The following DOK6 variants were observed in gnomAD, a reference collection of about 807,000 sequenced individuals.
The protein encoded by DOK6 is docking protein 6, also known as downstream of tyrosine kinase 6.
Under a neutral mutation model 44.0 loss-of-function variants are expected in DOK6, and 22 were observed. The observed-to-expected ratio is 0.50, with a 90% CI of 0.36 to 0.71. DOK6 has a LOEUF of 0.71. Ranked by LOEUF, DOK6 falls within the 30% of genes least tolerant of loss-of-function variation. The probability of loss-of-function intolerance (pLI) is 0.00; values close to 1 mark genes in which losing one functional copy is unlikely to be tolerated. For synonymous variants in DOK6, 166 were observed against 145.5 expected, an observed-to-expected ratio of 1.14 and a Z score of -1.01; for missense variants, 340 against 416.4, an observed-to-expected ratio of 0.82 and a Z score of 1.60.
chr18:69,704,997 T>C (rs777243492), intron 5 of DOK6: 3 of 152,214 alleles, frequency 2.0e-5, no homozygotes, highest in Non-Finnish European at 4.4e-5. Flanking sequence ...AGGGTCTTTA[T>C]CCAGAATTAA....
chr18:69,503,601 C>A (rs1286414817), intron 1 of DOK6, among the ~76,000 whole-genome samples: 1 of 151,886 alleles, frequency 6.6e-6, no homozygotes, highest in African/African-American at 2.4e-5. Flanking sequence ...AATTACTAAA[C>A]AATGTCTTAA....
In DOK6 at chr18:69,420,187, C is replaced by T. The variant is rs940648672; in HGVS notation, c.66+18877C>T. Reference sequence around the variant, plus strand: ...GAGGGAAGAGAGTTTGTTTTAAAGGCTATCTAAATTAAAAAAAAATTAGTC... The same window carrying T: ...GAGGGAAGAGAGTTTGTTTTAAAGGTTATCTAAATTAAAAAAAAATTAGTC... On this transcript the variant is annotated intron_variant, in intron 1 of 7. Transcript: ENST00000382713. Among the ~76,000 whole-genome samples the T allele has an allele frequency of 5.3e-5, 8 of 151,780 alleles. No individual in the cohort carries two copies. The South Asian group carries it at 6.3e-4, about 12-fold the overall frequency.
At chr18:69,404,808 TGTG>T (rs1916170005) in intron 1 of DOK6, among the ~76,000 whole-genome samples, 1 of 152,056 alleles carries the variant, frequency 6.6e-6, no homozygotes. Flanking sequence ...TGTGTGTGTG[TGTG>T]TGTATTCAGG....
chr18:69,538,463 G>A (rs182163921), intron 1 of DOK6, among the ~76,000 whole-genome samples: 1 of 152,048 alleles, frequency 6.6e-6, no homozygotes, highest in East Asian at 1.9e-4. Context: ...ACTCCCTGCA[G>A]CCTTGACCTC....
chr18:69,443,771 G>T (rs903368743), intron 1 of DOK6, among the ~76,000 whole-genome samples: 2 of 151,982 alleles, frequency 1.3e-5, no homozygotes, highest in East Asian at 3.9e-4. Context: ...TGCTGATAGT[G>T]GTATTTAGAC....
At chr18:69,607,816 C>T (rs1467117503) in intron 3 of DOK6, among the ~76,000 whole-genome samples, 1 of 152,104 alleles carries the variant, frequency 6.6e-6, no homozygotes, top group Admixed American at 6.5e-5. Context: ...AAAAATCAAA[C>T]AGCTCTCCTA....
intron 5 of DOK6, among the ~76,000 whole-genome samples, chr18:69,730,820 G>A (rs1218483068): frequency 6.6e-6 from 1 of 152,094 alleles, no homozygotes; most frequent in Non-Finnish European, 1.5e-5. Context: ...AAAATTGGTA[G>A]TTTAGGCAGG....
Position 69,543,429 on chromosome 18 carries a change from G to A in DOK6, c.67-21058G>A, listed in dbSNP as rs1325227810. Among the ~76,000 whole-genome samples, 4 of 151,534 alleles carry A rather than the reference G, an allele frequency of 2.6e-5. 1 individual carries two copies. The highest frequency in any genetic ancestry group is 5.9e-5 in the Non-Finnish European group (4 of 67,716). ...CAAAGGTGACTTCACAAAGAAACAA[G>A]GATGAAGGAAACAGACAAACATATA... On this transcript the variant is annotated intron_variant, in intron 1 of 7. Coordinates refer to ENST00000382713, the MANE Select transcript of DOK6 (RefSeq NM_152721.6).
chr18:69,537,008 T>TTATTATTAG (rs1230948869), intron 1 of DOK6, among the ~76,000 whole-genome samples: 1 of 149,424 alleles, frequency 6.7e-6, no homozygotes, highest in Non-Finnish European at 1.5e-5. Context: ...ATTATTATTA[T>TTATTATTAG]TTTATAAAAT....
intron 3 of DOK6, among the ~76,000 whole-genome samples, chr18:69,622,683 T>C (rs1984469329): frequency 6.6e-6 from 1 of 152,168 alleles, no homozygotes; most frequent in Non-Finnish European, 1.5e-5. Context: ...AACTTGAAGG[T>C]ATTGAATGGA....
chr18:69,496,176 C>T lies in DOK6; in HGVS notation c.67-68311C>T, dbSNP rs143893078. Among the ~76,000 whole-genome samples, 5 of 152,344 alleles carry T rather than the reference C, an allele frequency of 3.3e-5. No individual in the cohort carries two copies. In the East Asian group the frequency reaches 9.7e-4, roughly 29 times the overall value. Reference sequence around the variant, plus strand: ...GGTTTCCTGCCTGCTCCCAGGCCCCCCACTTTGAGATGTCACCGTCAACGA... The same window carrying T: ...GGTTTCCTGCCTGCTCCCAGGCCCCTCACTTTGAGATGTCACCGTCAACGA... On this transcript the variant is annotated intron_variant, in intron 1 of 7. Coordinates refer to ENST00000382713, the MANE Select transcript of DOK6 (RefSeq NM_152721.6).
intron 1 of DOK6, among the ~76,000 whole-genome samples, chr18:69,563,893 C>T (rs1982904598): frequency 6.6e-6 from 1 of 151,824 alleles, no homozygotes; most frequent in Admixed American, 6.6e-5. Flanking sequence ...TTACATTAAT[C>T]TCATTTCACT....
At chr18:69,764,304 A>T (rs1022281332) in intron 7 of DOK6, among the ~76,000 whole-genome samples, 7 of 152,168 alleles carry the variant, frequency 4.6e-5, no homozygotes, top group Non-Finnish European at 8.8e-5. Context: ...ATGGGACTGC[A>T]CGTGATGACT....
intron 7 of DOK6, among the ~76,000 whole-genome samples, chr18:69,817,977 G>A (rs1981450711): frequency 2.0e-5 from 3 of 152,092 alleles, no homozygotes; most frequent in Admixed American, 1.3e-4. Context: ...TCTGAGGTTT[G>A]GACTTTCTTA....
chr18:69,622,436 C>T (rs1415115490), intron 3 of DOK6, among the ~76,000 whole-genome samples: 2 of 152,140 alleles, frequency 1.3e-5, no homozygotes, highest in Non-Finnish European at 2.9e-5. Flanking sequence ...ACAATGCAGC[C>T]AAAAGCATTT....
chr18:69,509,644 A>T (rs1340092517), intron 1 of DOK6, among the ~76,000 whole-genome samples: 5 of 138,196 alleles, frequency 3.6e-5, no homozygotes, highest in Non-Finnish European at 8.2e-5. Context: ...TCTCAAAAAA[A>T]AAAAAAAAAA....
At chr18:69,663,547 T>C (rs1985582447) in intron 3 of DOK6, 1 of 152,202 alleles carries the variant, frequency 6.6e-6, no homozygotes, top group African/African-American at 2.4e-5. Flanking sequence ...TGGTTGATTA[T>C]GATAATAAAC....
chr18:69,719,251 T>C (rs979064845), intron 5 of DOK6, among the ~76,000 whole-genome samples: 6 of 152,074 alleles, frequency 3.9e-5, no homozygotes, highest in African/African-American at 1.4e-4. Flanking sequence ...TGCTGATTGG[T>C]TGGGGATAAA....
At chr18:69,599,335 A>G (rs771242697) in intron 2 of DOK6, 49 bp from the exon 3 acceptor site, 3 of 1,324,476 alleles carry the variant, frequency 2.3e-6, no homozygotes, top group Admixed American at 4.0e-5. Context: ...GCACTCCAAC[A>G]TACAGCATAC....
Sources: gnomAD v4.1 joint callset for allele counts (sites outside exome capture counted in the v4.1 genomes callset) on GRCh38, gnomAD v4.1.1 for gene constraint, MANE v1.5 for transcripts, NCBI Gene and HGNC (gene_info 2026-07-23, HGNC 2026-07-21) for gene names.